Variants in CNTN4 observed in about 807,000 individuals in gnomAD.
CNTN4 encodes contactin-4.
Under a neutral mutation model 122.5 loss-of-function variants are expected in CNTN4, and 77 were observed. The ratio of observed to expected loss-of-function variants is 0.63; its 90% CI spans 0.52 to 0.76. CNTN4 has a LOEUF of 0.76. CNTN4 is among the 30% of genes least tolerant of loss of function. The probability of loss-of-function intolerance (pLI) is 0.00; values close to 1 mark genes in which losing one functional copy is unlikely to be tolerated. For synonymous variants in CNTN4, 512 were observed against 447.0 expected, an observed-to-expected ratio of 1.15 and a Z score of -1.83; for missense variants, 1,256 against 1,259.1, an observed-to-expected ratio of 1.00 and a Z score of 0.04.
chr3:2,782,884 C>T (rs1394341288), intron 6 of CNTN4, among the ~76,000 whole-genome samples: 1 of 152,106 alleles, frequency 6.6e-6, no homozygotes, highest in African/African-American at 2.4e-5. Flanking sequence ...ATGAGTAACC[C>T]GGAATGAGTT....
intron 17 of CNTN4, among the ~76,000 whole-genome samples, chr3:3,036,020 A>C (rs1699573475): frequency 6.6e-6 from 1 of 152,088 alleles, no homozygotes; most frequent in Non-Finnish European, 1.5e-5. Context: ...AAAGTTTCAC[A>C]GTTATTTCTC....
chr3:2,884,245 A>C (rs1306196881), intron 9 of CNTN4, among the ~76,000 whole-genome samples: 1 of 151,946 alleles, frequency 6.6e-6, no homozygotes, highest in South Asian at 2.1e-4. Context: ...GGCAACACTA[A>C]CTCCACCAAT....
chr3:2,350,423 G>A (rs2648692), intron 3 of CNTN4, among the ~76,000 whole-genome samples: 138,477 of 152,194 alleles, frequency 0.91, 63,431 homozygotes, highest in East Asian at 1. Flanking sequence ...CAAGTGGTTG[G>A]TGGCAGTGAA....
chr3:2,827,527 CT>C, intron 7 of CNTN4, among the ~76,000 whole-genome samples: 1 of 152,162 alleles, frequency 6.6e-6, no homozygotes, highest in East Asian at 1.9e-4. Context: ...CATGTAACAA[CT>C]TTTATGTAGG....
chr3:2,279,143 C>A (rs543873845), intron 2 of CNTN4, among the ~76,000 whole-genome samples: 1 of 149,600 alleles, frequency 6.7e-6, no homozygotes, highest in Non-Finnish European at 1.5e-5. Context: ...ATAATCAAAA[C>A]TAATAAAAAC....
At chr3:2,448,821 T>C (rs2048721541) in intron 3 of CNTN4, among the ~76,000 whole-genome samples, 1 of 152,152 alleles carries the variant, frequency 6.6e-6, no homozygotes, top group Non-Finnish European at 1.5e-5. Context: ...CAAGTCTAAT[T>C]TGTGTTTGGT....
chr3:2,820,587 C>A (rs887588246), intron 7 of CNTN4, among the ~76,000 whole-genome samples: 3 of 152,050 alleles, frequency 2.0e-5, no homozygotes, highest in Non-Finnish European at 4.4e-5. Context: ...CTGAAAGTTC[C>A]AACCCTTTAA....
chr3:2,342,218 CTG>C (rs1559469709), intron 3 of CNTN4, among the ~76,000 whole-genome samples: 1 of 152,144 alleles, frequency 6.6e-6, no homozygotes, highest in African/African-American at 2.4e-5. Context: ...AAAATGGAGA[CTG>C]TGATATTCTT....
intron 6 of CNTN4, among the ~76,000 whole-genome samples, chr3:2,763,134 A>T (rs1393819565): frequency 6.6e-6 from 1 of 151,606 alleles, no homozygotes; most frequent in Non-Finnish European, 1.5e-5. Context: ...TTTAGTAGAG[A>T]CGGGGTTTCA....
At chr3:2,352,517 C>T (rs142944442) in intron 3 of CNTN4, among the ~76,000 whole-genome samples, 180 of 152,312 alleles carry the variant, frequency 1.2e-3, no homozygotes, top group African/African-American at 3.9e-3. Flanking sequence ...CCCCTGGCAG[C>T]GAGAGGCTTA....
chr3:2,433,227 C>T (rs2048141188), intron 3 of CNTN4, among the ~76,000 whole-genome samples: 1 of 152,176 alleles, frequency 6.6e-6, no homozygotes, highest in Admixed American at 6.5e-5. Context: ...ATACTGTTTT[C>T]TGTATTGGCT....
chr3:2,775,386 G>C (rs1391824197), intron 6 of CNTN4, among the ~76,000 whole-genome samples: 1 of 151,934 alleles, frequency 6.6e-6, no homozygotes, highest in African/African-American at 2.4e-5. Flanking sequence ...CCACCCTCTA[G>C]GAAGTTGTTG....
At chr3:2,398,382 AG>A (rs2046716959) in intron 3 of CNTN4, among the ~76,000 whole-genome samples, 1 of 152,168 alleles carries the variant, frequency 6.6e-6, no homozygotes, top group African/African-American at 2.4e-5. Context: ...AATATTCATC[AG>A]AATGGCAATT....
intron 6 of CNTN4, among the ~76,000 whole-genome samples, chr3:2,784,842 T>C (rs2091746005): frequency 6.6e-6 from 1 of 152,200 alleles, no homozygotes; most frequent in Non-Finnish European, 1.5e-5. Context: ...CCATGGCTCA[T>C]AGAAGGTATT....
At chr3:2,969,449 G>A (rs1692655640) in intron 13 of CNTN4, among the ~76,000 whole-genome samples, 1 of 152,080 alleles carries the variant, frequency 6.6e-6, no homozygotes, top group African/African-American at 2.4e-5. Context: ...GCCAGAGAAT[G>A]GTGTTACAGC....
intron 3 of CNTN4, among the ~76,000 whole-genome samples, chr3:2,384,197 A>G (rs746696285): frequency 1.3e-5 from 2 of 152,128 alleles, no homozygotes; most frequent in Non-Finnish European, 2.9e-5. Flanking sequence ...TATCATTATT[A>G]TTAACATCAT....
intron 12 of CNTN4, among the ~76,000 whole-genome samples, chr3:2,913,778 G>A (rs1045634653): frequency 1.3e-5 from 2 of 152,154 alleles, no homozygotes; most frequent in Admixed American, 6.5e-5. Context: ...AGGAAGCAGA[G>A]GATGTGAACA....
intron 2 of CNTN4, among the ~76,000 whole-genome samples, chr3:2,251,304 G>A (rs1307305267): frequency 6.6e-6 from 1 of 151,850 alleles, no homozygotes; most frequent in Non-Finnish European, 1.5e-5. Context: ...CCAAGGTATT[G>A]TTTACCAATA....
At chr3:2,994,834 T>G (rs1695386102) in intron 14 of CNTN4, among the ~76,000 whole-genome samples, 1 of 152,136 alleles carries the variant, frequency 6.6e-6, no homozygotes, top group Non-Finnish European at 1.5e-5. Context: ...TGTTCAAGGC[T>G]TTATACAGAT....
Sources: gnomAD v4.1 joint callset for allele counts (sites outside exome capture counted in the v4.1 genomes callset) on GRCh38, gnomAD v4.1.1 for gene constraint, MANE v1.5 for transcripts, NCBI Gene and HGNC (gene_info 2026-07-23, HGNC 2026-07-21) for gene names.